The following HIGD1A variants were observed in gnomAD, a reference collection of about 807,000 sequenced individuals.
HIGD1A encodes the protein HIG1 hypoxia inducible domain family member 1A, also known as HIG1 domain family member 1A, mitochondrial.
Under a neutral mutation model 11.3 loss-of-function variants are expected in HIGD1A, and 8 were observed. That is an observed-to-expected ratio of 0.71 (90% CI 0.42 to 1.28). HIGD1A has a LOEUF of 1.28. HIGD1A is among the 50% of genes most tolerant of loss of function. The probability of loss-of-function intolerance (pLI) is 0.01; values close to 1 mark genes in which losing one functional copy is unlikely to be tolerated. For missense variants in HIGD1A, 107 were observed against 118.8 expected, an observed-to-expected ratio of 0.90 and a Z score of 0.46; for synonymous variants, 32 against 38.4, an observed-to-expected ratio of 0.83 and a Z score of 0.62.
At position 42,784,302 on chromosome 3, in the gene HIGD1A, A is replaced by ACATG. The variant is rs1218780888; in HGVS notation, c.*965_*968dup. ...TCATGAAATAAATAAAAGACATTTG[A>ACATG]CATGGGTCACTTACTTTAATAACAA... On this transcript the variant is annotated 3_prime_UTR_variant, in exon 4 of 4. Transcript: ENST00000321331. 6.6e-6 allele frequency: 1 copy of ACATG among 152,238 alleles called. No individual in the cohort carries two copies. The highest frequency in any genetic ancestry group is 2.4e-5 in the African/African-American group (1 of 41,476). 9.4% of individuals were successfully genotyped at this position (152,238 alleles called of 1,614,324 possible). A position where few individuals can be genotyped will look rare whatever the true frequency, so the allele number is the denominator to read the frequency against.
chr3:42,790,794 C>CT, intron 2 of HIGD1A, among the ~76,000 whole-genome samples: 1 of 152,182 alleles, frequency 6.6e-6, no homozygotes, highest in South Asian at 2.1e-4. Context: ...AAGCCAGTTT[C>CT]TTTTTCTTTT....
At chr3:42,803,982 G>A (rs894302346) in intron 1 of HIGD1A, among the ~76,000 whole-genome samples, 5 of 152,110 alleles carry the variant, frequency 3.3e-5, no homozygotes, top group Non-Finnish European at 5.9e-5. Context: ...TGACCTTGTC[G>A]TGACTCCGTG....
chr3:42,794,118 T>C, intron 2 of HIGD1A, 39 bp downstream of exon 2: 1 of 1,576,744 alleles, frequency 6.3e-7, no homozygotes, highest in Non-Finnish European at 8.6e-7. Flanking sequence ...ATCACGGCTC[T>C]ACCATATTCA....
In HIGD1A at chr3:42,786,170, A is replaced by G. The variant is rs754563169; in HGVS notation, c.98-8T>C. On this transcript the variant is annotated splice_region_variant and splice_polypyrimidine_tract_variant and intron_variant, in intron 2 of 3. Transcript: ENST00000321331. ...CTGCAAAACCCGCTATTCCTGTAAA[A>G]CAAAGTAACAAGTATGTCAGATGCA... 1 of 1,614,052 alleles carries G rather than the reference A, an allele frequency of 6.2e-7. No individual in the cohort carries two copies. The highest frequency in any genetic ancestry group is 1.1e-5 in the South Asian group (1 of 91,074).
chr3:42,794,419 A>T, intron 1 of HIGD1A, 144 bp from the exon 2 acceptor site: 1 of 769,156 alleles, frequency 1.3e-6, no homozygotes, highest in South Asian at 2.4e-5. Flanking sequence ...TATTTTTAGA[A>T]ATTAACTGTA....
At chr3:42,786,338 AAAC>A (rs1264812506) in intron 2 of HIGD1A, among the ~76,000 whole-genome samples, 176 bp from the exon 3 acceptor site, 4 of 152,224 alleles carry the variant, frequency 2.6e-5, no homozygotes, top group Non-Finnish European at 5.9e-5. Context: ...ATCTTTAAGC[AAAC>A]AACAACAGAT....
intron 1 of HIGD1A, among the ~76,000 whole-genome samples, chr3:42,800,435 T>C (rs910332418): frequency 6.6e-6 from 1 of 152,110 alleles, no homozygotes; most frequent in Admixed American, 6.5e-5. Flanking sequence ...CAACCCCACA[T>C]TCTGACCACA....
At chr3:42,790,783 C>G (rs971931133) in intron 2 of HIGD1A, among the ~76,000 whole-genome samples, 1 of 152,096 alleles carries the variant, frequency 6.6e-6, no homozygotes, top group Non-Finnish European at 1.5e-5. Context: ...TTGGACTGGG[C>G]AAGCCAGTTT....
At chr3:42,786,993 A>G (rs1700360430) in intron 2 of HIGD1A, among the ~76,000 whole-genome samples, 1 of 152,184 alleles carries the variant, frequency 6.6e-6, no homozygotes, top group African/African-American at 2.4e-5. Flanking sequence ...TCAAATAAAA[A>G]CAGTGAGTCA....
rs994148706 is a variant in HIGD1A, at chr3:42,783,884, T to C, written c.*1387A>G. On this transcript the variant is annotated 3_prime_UTR_variant, in exon 4 of 4. Transcript: ENST00000321331. ...TGAGGTCAGGAATTCAAGATCAGCC[T>C]GGCCAACATGGTGAAACCTCGTCTC... Among the ~76,000 whole-genome samples, 1 of 151,862 alleles carries C rather than the reference T, an allele frequency of 6.6e-6. No homozygotes were observed. Among genetic ancestry groups the C allele is most frequent in the Admixed American group, 6.6e-5 (1 of 15,252 alleles).
intron 2 of HIGD1A, among the ~76,000 whole-genome samples, chr3:42,792,577 G>A (rs1005494444): frequency 6.6e-6 from 1 of 151,956 alleles, no homozygotes; most frequent in African/African-American, 2.4e-5. Flanking sequence ...GGGAGGCTGA[G>A]GCAGGAGAAT....
chr3:42,787,595 AT>A (rs1179702269), intron 2 of HIGD1A, among the ~76,000 whole-genome samples: 37 of 128,946 alleles, frequency 2.9e-4, no homozygotes, highest in East Asian at 5.9e-4. Flanking sequence ...CATCTCAAAA[AT>A]ATATATATAT....
chr3:42,786,376 A>C (rs1372803366), intron 2 of HIGD1A, among the ~76,000 whole-genome samples: 1 of 152,218 alleles, frequency 6.6e-6, no homozygotes, highest in Non-Finnish European at 1.5e-5. Context: ...TTATCTTTAA[A>C]AACATGGGTT....
intron 1 of HIGD1A, among the ~76,000 whole-genome samples, chr3:42,799,297 T>TAAAAAAAAAAAAAAAAA (rs532630050): frequency 8.7e-6 from 1 of 114,580 alleles, no homozygotes; most frequent in African/African-American, 3.8e-5. Context: ...AAAAATAAAT[T>TAAAAAAAAAAAAAAAAA]AAAAAAAAAA....
At chr3:42,804,189 C>T (rs1700606129) in intron 1 of HIGD1A, 3 of 1,611,010 alleles carry the variant, frequency 1.9e-6, no homozygotes, top group African/African-American at 2.7e-5. Context: ...GCTTCTGCTC[C>T]ATCTCCTCGC....
intron 2 of HIGD1A, among the ~76,000 whole-genome samples, chr3:42,787,278 G>A (rs1700363126): frequency 6.6e-6 from 1 of 151,840 alleles, no homozygotes; most frequent in South Asian, 2.1e-4. Context: ...AATAGCCGCA[G>A]AACTTCCAAA....
chr3:42,794,407 A>G (rs991619098), intron 1 of HIGD1A, 132 bp from the exon 2 acceptor site: 6 of 853,964 alleles, frequency 7.0e-6, no homozygotes, highest in Non-Finnish European at 1.0e-5. Flanking sequence ...AAAGTTAAAA[A>G]ATATTTTTAG....
chr3:42,800,328 AATTT>A (rs1242086167), intron 1 of HIGD1A, among the ~76,000 whole-genome samples: 1 of 150,748 alleles, frequency 6.6e-6, no homozygotes, highest in Non-Finnish European at 1.5e-5. Context: ...CTCTGTCTCA[AATTT>A]TAAAAAATAA....
chr3:42,794,125 T>A (rs1328906048), intron 2 of HIGD1A, 32 bp downstream of exon 2: 1 of 1,590,942 alleles, frequency 6.3e-7, no homozygotes, highest in South Asian at 1.2e-5. Context: ...CTCTACCATA[T>A]TCAAGACTAC....
Sources: gnomAD v4.1 joint callset for allele counts (sites outside exome capture counted in the v4.1 genomes callset) on GRCh38, gnomAD v4.1.1 for gene constraint, MANE v1.5 for transcripts, NCBI Gene and HGNC (gene_info 2026-07-23, HGNC 2026-07-21) for gene names.